Variants in PLEKHH1 observed in about 807,000 individuals in gnomAD.
PLEKHH1 encodes the protein pleckstrin homology domain-containing family H member 1.
A neutral mutation model predicts 160.0 loss-of-function variants in PLEKHH1; 104 were observed. The observed-to-expected ratio is 0.65, with a 90% confidence interval of 0.55 to 0.76. The LOEUF (loss-of-function observed/expected upper bound fraction) is 0.76. Ranked by LOEUF, PLEKHH1 falls within the 30% of genes least tolerant of loss-of-function variation. The pLI is 0.00. For missense variants in PLEKHH1, 1,427 were observed against 1,724.1 expected (o/e 0.83, Z 3.05); for synonymous variants, 619 against 678.4 (o/e 0.91, Z 1.36).
intron 4 of PLEKHH1, among the ~76,000 whole-genome samples, chr14:67,557,653 G>A (rs1377564101): frequency 3.9e-5 from 6 of 152,224 alleles, no homozygotes; most frequent in African/African-American, 1.4e-4. Context: ...GACTGATCTG[G>A]GTGTGAAGCC....
Position 67,562,850 on chromosome 14 carries a change from G to C in PLEKHH1, c.1219G>C (p.Gly407Arg). 1 of 1,613,554 alleles carries C rather than the reference G, an allele frequency of 6.2e-7. No homozygotes were observed. Among genetic ancestry groups the C allele is most frequent in the Non-Finnish European group, 8.5e-7 (1 of 1,179,814 alleles). Reference protein sequence around the residue: ...LGAELEEVELGNKPPTPPLHQ... With the variant: ...LGAELEEVELRNKPPTPPLHQ... ...AGCTGAGCTGGAGGAAGTGGAGCTGGGTAACAAGCCACCTACACCCCCGCT... is the reference window on the plus strand; with the variant it reads ...AGCTGAGCTGGAGGAAGTGGAGCTGCGTAACAAGCCACCTACACCCCCGCT... Residue 407 changes from glycine to arginine, a missense_variant, in exon 7 of 29, where the codon GGT (glycine) becomes CGT (arginine). Physicochemically the swap from Gly to Arg is moderately radical, Grantham distance 125. Transcript: ENST00000329153.
chr14:67,557,161 TG>T, intron 3 of PLEKHH1, 107 bp from the exon 4 acceptor site: 1 of 827,258 alleles, frequency 1.2e-6, no homozygotes, highest in Non-Finnish European at 1.9e-6. Context: ...GGGCTGTGCC[TG>T]GGAGTCACAG....
In PLEKHH1 at chr14:67,582,151, G is replaced by A. The variant is rs1322621060; in HGVS notation, c.3367G>A (p.Ala1123Thr). ...LASQTSREIV[A>T]GRFPINKELA... ...CTCTCAAACCAGTAGAGAGATAGTG[G>A]CAGGGAGGTTTCCTATCAACAAGGA... The change falls in exon 24 of 29, where the codon GCA becomes ACA. Residue 1123 changes from alanine to threonine, a missense_variant. Around this residue, in one of 6 missense-constraint regions of PLEKHH1, gnomAD observed 436 missense variants for 607.5 expected, o/e 0.72. Coordinates refer to ENST00000329153, the MANE Select transcript of PLEKHH1 (RefSeq NM_020715.3). The surrounding 1 kb of genome is among the most constrained non-coding windows in gnomAD (Gnocchi z 5.0). 1 of 1,613,288 alleles carries A rather than the reference G, an allele frequency of 6.2e-7. No individual in the cohort carries two copies. The highest frequency in any genetic ancestry group is 1.1e-5 in the South Asian group (1 of 90,978).
At position 67,542,703 on chromosome 14, in the gene PLEKHH1, A is replaced by AT. The variant is rs202117738; in HGVS notation, c.126+713dup. Among the ~76,000 whole-genome samples, 5 of 151,380 alleles carry AT rather than the reference A, an allele frequency of 3.3e-5. No individual in the cohort carries two copies. In the East Asian group the frequency reaches 9.7e-4, roughly 29 times the overall value. On this transcript the variant is annotated intron_variant, in intron 2 of 28. Transcript: ENST00000329153. The stretch of plus-strand genomic sequence containing the variant: ...ATTTTATTTTATTTTATTTTATTTT[A>AT]TTTATTCATTTATTGAGATGGAGTT...
chr14:67,576,471 T>C lies in PLEKHH1; in HGVS notation c.2429T>C (p.Ile810Thr), dbSNP rs780216639. ...GTGGGCACTGCCTATGAGCAGCTCA[T>C]TGGAAAACTGATGGATGGTGAAGGA... ...AKVGTAYEQL[I>T]GKLMDGEGDP... The change falls in exon 17 of 29, where the codon ATT becomes ACT. Residue 810 changes from isoleucine (I) to threonine (T), a missense_variant. By Grantham distance (89) the Ile-to-Thr change is moderately conservative. Around this residue, in one of 6 missense-constraint regions of PLEKHH1, gnomAD observed 436 missense variants for 607.5 expected, o/e 0.72. Transcript: ENST00000329153. This position sits in a 1 kb window ranked among gnomAD's most constrained non-coding sequence, Gnocchi z 4.0. 2 of 1,601,874 alleles carry C rather than the reference T, an allele frequency of 1.2e-6. No homozygotes were observed. The highest frequency in any genetic ancestry group is 1.7e-5 in the Admixed American group (1 of 59,952).
intron 7 of PLEKHH1, among the ~76,000 whole-genome samples, chr14:67,565,149 G>C (rs1300234145): frequency 1.3e-5 from 2 of 152,148 alleles, no homozygotes; most frequent in African/African-American, 4.8e-5. Context: ...AGTAAGGTGT[G>C]GTTTCTCCCT....
At chr14:67,584,352 C>A (rs892635313) in intron 26 of PLEKHH1, among the ~76,000 whole-genome samples, 1 of 151,970 alleles carries the variant, frequency 6.6e-6, no homozygotes, top group Admixed American at 6.5e-5. Flanking sequence ...ATGTGATCAA[C>A]TAATTCACAC....
In PLEKHH1 at chr14:67,588,627, A is replaced by G. The variant is rs574222066; in HGVS notation, c.*1392A>G. On this transcript the variant is annotated 3_prime_UTR_variant, in exon 29 of 29. Coordinates refer to ENST00000329153, the MANE Select transcript of PLEKHH1 (RefSeq NM_020715.3). ...CACACCCTCCCCTAACAAAAACAAA[A>G]CGAAAGAGTTCATACTCTGATTTTC... 1 of 152,238 alleles carries G rather than the reference A, an allele frequency of 6.6e-6. No individual in the cohort carries two copies. The highest frequency in any genetic ancestry group is 1.9e-4 in the East Asian group (1 of 5,172). The allele number at this position is 152,238 out of a possible 1,614,324, so 9.4% of individuals were successfully genotyped here. A position where few individuals can be genotyped will look rare whatever the true frequency, so the allele number is the denominator to read the frequency against.
intron 2 of PLEKHH1, among the ~76,000 whole-genome samples, chr14:67,543,753 G>A (rs775287731): frequency 6.8e-6 from 1 of 147,668 alleles, no homozygotes; most frequent in Non-Finnish European, 1.5e-5. Context: ...AGAGACTTCT[G>A]TTTCTAGTAA....
intron 8 of PLEKHH1, chr14:67,569,641 C>T (rs1351558135): frequency 2.0e-6 from 1 of 499,540 alleles, no homozygotes. Context: ...TGATTTGTAA[C>T]TCACATCTGC....
chr14:67,554,937 G>A (rs2034535242), intron 2 of PLEKHH1, among the ~76,000 whole-genome samples: 1 of 152,076 alleles, frequency 6.6e-6, no homozygotes, highest in Non-Finnish European at 1.5e-5. Context: ...TTTTGAGACA[G>A]GACCTTGCTG....
At chr14:67,536,881 A>G (rs1263862210) in intron 1 of PLEKHH1, among the ~76,000 whole-genome samples, 1 of 151,676 alleles carries the variant, frequency 6.6e-6, no homozygotes, top group Non-Finnish European at 1.5e-5. Flanking sequence ...TCTCTACTAG[A>G]AATACAAAAA....
chr14:67,565,361 A>C (rs2035039557), intron 7 of PLEKHH1, among the ~76,000 whole-genome samples: 1 of 152,142 alleles, frequency 6.6e-6, no homozygotes. Flanking sequence ...TTTCCACCCC[A>C]GCCTTCTGAG....
chr14:67,571,929 G>T (rs745890638), intron 10 of PLEKHH1, 27 bp downstream of exon 10: 2 of 1,585,898 alleles, frequency 1.3e-6, no homozygotes, highest in Admixed American at 3.6e-5. Flanking sequence ...CAGGGGCAGG[G>T]TGCAGCAGCA....
intron 28 of PLEKHH1, chr14:67,586,350 C>A (rs2036161990): frequency 1.4e-6 from 2 of 1,434,796 alleles, no homozygotes; most frequent in African/African-American, 1.4e-5. Context: ...TTCACTTTTT[C>A]TTTTTTATTC....
intron 2 of PLEKHH1, among the ~76,000 whole-genome samples, chr14:67,547,124 A>G (rs899883605): frequency 6.6e-6 from 1 of 152,082 alleles, no homozygotes; most frequent in Non-Finnish European, 1.5e-5. Flanking sequence ...TCACATGGAA[A>G]TGTTAGGGGT....
intron 9 of PLEKHH1, chr14:67,570,463 T>TA (rs936713170): frequency 1.6e-5 from 3 of 189,402 alleles, no homozygotes; most frequent in African/African-American, 4.8e-5. Context: ...TAATACTTGA[T>TA]AAAATTTTTT....
At chr14:67,586,346 T>C (rs1566768967) in intron 28 of PLEKHH1, 1 of 1,439,590 alleles carries the variant, frequency 6.9e-7, no homozygotes, top group East Asian at 2.9e-5. Context: ...GCTCTTCACT[T>C]TTTCTTTTTT....
At chr14:67,566,966 C>T (rs1424988732) in intron 7 of PLEKHH1, among the ~76,000 whole-genome samples, 5 of 152,110 alleles carry the variant, frequency 3.3e-5, no homozygotes, top group African/African-American at 7.2e-5. Flanking sequence ...TAAGGGGCAG[C>T]GTCAGGTCTT....
Sources: allele counts gnomAD v4.1 joint callset (sites outside exome capture counted in the v4.1 genomes callset), GRCh38; gene constraint gnomAD v4.1.1; regional missense constraint gnomAD v4.1.1; non-coding constraint Gnocchi (gnomAD v3.1); transcripts MANE v1.5; gene names NCBI Gene and HGNC (gene_info 2026-07-23, HGNC 2026-07-21).